FOXP1: variants seen among roughly 807,000 people sequenced by gnomAD.
FOXP1 encodes forkhead box P1.
FOXP1 carries 15 observed loss-of-function variants against 98.2 expected under a neutral mutation model. That is an observed-to-expected ratio of 0.15 (90% CI 0.10 to 0.24). The LOEUF is 0.24. FOXP1 is among the 10% of genes least tolerant of loss of function. The pLI is 1.00. For missense variants in FOXP1, 633 were observed against 848.5 expected (o/e 0.75, Z 3.15); for synonymous variants, 371 against 314.5 (o/e 1.18, Z -1.90).
At chr3:71,563,281 C>T (rs140878001) in intron 2 of FOXP1, among the ~76,000 whole-genome samples, 1 of 152,254 alleles carries the variant, frequency 6.6e-6, no homozygotes, top group East Asian at 1.9e-4. Context: ...CATAGATGGG[C>T]ATCTTGTACA....
chr3:71,260,916 T>A (rs115283700), intron 5 of FOXP1, among the ~76,000 whole-genome samples: 1 of 152,156 alleles, frequency 6.6e-6, no homozygotes, highest in African/African-American at 2.4e-5. Flanking sequence ...TTAAAAAAAG[T>A]CTACCAATTC....
intron 2 of FOXP1, among the ~76,000 whole-genome samples, chr3:71,539,779 G>A (rs1458964937): frequency 6.6e-6 from 1 of 152,074 alleles, no homozygotes; most frequent in Non-Finnish European, 1.5e-5. Flanking sequence ...ATTTTAAGTT[G>A]GAATTGTAGA....
intron 6 of FOXP1, among the ~76,000 whole-genome samples, chr3:71,168,450 T>C (rs1356229464): frequency 6.6e-6 from 1 of 152,248 alleles, no homozygotes; most frequent in Non-Finnish European, 1.5e-5. Flanking sequence ...CTTGTCATCA[T>C]GTAATAAGTA....
chr3:71,406,766 T>A lies in FOXP1; in HGVS notation c.-167-47522A>T, dbSNP rs1378941701. Among the ~76,000 whole-genome samples, 3 of 152,146 alleles carry A rather than the reference T, an allele frequency of 2.0e-5. No individual in the cohort carries two copies. In the South Asian group the frequency reaches 6.2e-4, roughly 31 times the overall value. On this transcript the variant is annotated intron_variant, in intron 3 of 20. Coordinates refer to ENST00000649528, the MANE Select transcript of FOXP1 (RefSeq NM_001349338.3). ...GTTGTGTTATTCTGCCTTCCACACCTGACAATTCTGCCTCCAGATCAGGAT... is the reference window on the plus strand; with the variant it reads ...GTTGTGTTATTCTGCCTTCCACACCAGACAATTCTGCCTCCAGATCAGGAT...
chr3:71,527,090 C>CAG (rs2043451661), intron 2 of FOXP1, among the ~76,000 whole-genome samples: 1 of 151,952 alleles, frequency 6.6e-6, no homozygotes, highest in Non-Finnish European at 1.5e-5. Flanking sequence ...TAGGCTGATG[C>CAG]AGACAAGGCC....
At chr3:71,277,316 A>C in intron 5 of FOXP1, among the ~76,000 whole-genome samples, 1 of 150,176 alleles carries the variant, frequency 6.7e-6, no homozygotes. Flanking sequence ...GCGGTGTTTA[A>C]CTTTCTCTTC....
intron 3 of FOXP1, among the ~76,000 whole-genome samples, chr3:71,402,065 A>G (rs2081989435): frequency 6.6e-6 from 1 of 152,204 alleles, no homozygotes. Flanking sequence ...GGGGATCAAG[A>G]AACCTTAGTG....
intron 20 of FOXP1, among the ~76,000 whole-genome samples, chr3:70,964,866 T>G (rs1353547228): frequency 6.6e-6 from 1 of 152,218 alleles, no homozygotes; most frequent in Non-Finnish European, 1.5e-5. Context: ...TGCTGGCAGA[T>G]AACACTTTTT....
chr3:71,447,007 C>T (rs75993416), intron 3 of FOXP1, among the ~76,000 whole-genome samples: 1,762 of 152,354 alleles, frequency 0.012, 17 homozygotes, highest in Non-Finnish European at 0.019. Context: ...GGGAATGCAT[C>T]CCTAACAGAC....
intron 4 of FOXP1, among the ~76,000 whole-genome samples, chr3:71,316,660 C>CTT (rs1261668332): frequency 5.0e-5 from 7 of 139,754 alleles, no homozygotes; most frequent in Admixed American, 7.2e-5. Context: ...AGGGCATATT[C>CTT]TTTTTTTTTT....
intron 13 of FOXP1, among the ~76,000 whole-genome samples, chr3:70,995,249 G>A (rs937448243): frequency 2.6e-5 from 4 of 152,244 alleles, no homozygotes; most frequent in Admixed American, 2.6e-4. Context: ...GCCCAATATC[G>A]CGGAAGCTTC....
At chr3:71,051,972 T>C (rs2049956433) in intron 9 of FOXP1, among the ~76,000 whole-genome samples, 1 of 152,026 alleles carries the variant, frequency 6.6e-6, no homozygotes. Flanking sequence ...CAAGCTGGAG[T>C]CTTCTCTAAC....
intron 5 of FOXP1, among the ~76,000 whole-genome samples, chr3:71,201,989 TGACCATCGG>T (rs1270337485): frequency 6.6e-6 from 1 of 152,216 alleles, no homozygotes; most frequent in East Asian, 1.9e-4. Flanking sequence ...TCAGACTATG[TGACCATCGG>T]GATCCCAGGC....
At chr3:71,557,385 T>TAAAA (rs778929848) in intron 2 of FOXP1, among the ~76,000 whole-genome samples, 2 of 130,454 alleles carry the variant, frequency 1.5e-5, no homozygotes, top group African/African-American at 2.8e-5. Flanking sequence ...TTAAAAAAAG[T>TAAAA]AAAAAAAAAA....
chr3:71,098,193 G>C (rs1192611480), intron 7 of FOXP1, among the ~76,000 whole-genome samples: 8 of 152,138 alleles, frequency 5.3e-5, no homozygotes, highest in Non-Finnish European at 8.8e-5. Flanking sequence ...TTCAAAATGA[G>C]AGATTTAGGT....
chr3:71,486,292 C>T (rs2090644125), intron 3 of FOXP1, among the ~76,000 whole-genome samples: 1 of 151,956 alleles, frequency 6.6e-6, no homozygotes, highest in Admixed American at 6.5e-5. Flanking sequence ...AAAGTAAGTG[C>T]CTGATGAATA....
At chr3:71,582,956 G>A (rs2048306602) in intron 1 of FOXP1, among the ~76,000 whole-genome samples, 1 of 152,102 alleles carries the variant, frequency 6.6e-6, no homozygotes, top group Non-Finnish European at 1.5e-5. Flanking sequence ...CAAGGGCACC[G>A]AGGGGGCACA....
At chr3:71,130,913 C>T (rs545151602) in intron 6 of FOXP1, 16 of 1,348,398 alleles carry the variant, frequency 1.2e-5, no homozygotes, top group African/African-American at 2.9e-5. Context: ...ACACAGCACA[C>T]GCAGTGCGCC....
intron 11 of FOXP1, among the ~76,000 whole-genome samples, chr3:71,038,748 C>T (rs1294897049): frequency 1.3e-5 from 2 of 151,570 alleles, no homozygotes; most frequent in African/African-American, 4.9e-5. Context: ...ACTGCAGCCT[C>T]AAACTCTTGG....
Sources: gnomAD v4.1 joint callset for allele counts (sites outside exome capture counted in the v4.1 genomes callset) on GRCh38, gnomAD v4.1.1 for gene constraint, MANE v1.5 for transcripts, NCBI Gene and HGNC (gene_info 2026-07-23, HGNC 2026-07-21) for gene names.